The following GABRA2 variants were observed in gnomAD, a reference collection of about 807,000 sequenced individuals.
The protein encoded by GABRA2 is gamma-aminobutyric acid receptor subunit alpha-2.
A neutral mutation model predicts 48.7 loss-of-function variants in GABRA2; 16 were observed. That is an observed-to-expected ratio of 0.33 (90% CI 0.22 to 0.50). The LOEUF (loss-of-function observed/expected upper bound fraction) is 0.50. GABRA2 is among the 20% of genes least tolerant of loss of function. The pLI, the probability that GABRA2 is intolerant of heterozygous loss-of-function variation, is 0.98. For missense variants in GABRA2, 275 were observed against 535.6 expected (o/e 0.51, Z 4.80); for synonymous variants, 185 against 184.5 (o/e 1.00, Z -0.02).
rs191345587 is a variant in GABRA2 at position 46,245,836 on chromosome 4, A to C, written c.*4472T>G. ...ACTATTGGCAATATTAGGTAATGTT[A>C]TGTATTAAATACATCATTGAGTAGT... is the stretch of plus-strand genomic sequence containing the variant. On this transcript the variant is annotated 3_prime_UTR_variant, in exon 10 of 10. Coordinates refer to ENST00000381620, the MANE Select transcript of GABRA2 (RefSeq NM_000807.4). 8.3e-3 allele frequency among the ~76,000 whole-genome samples: 1,260 copies of C among 151,330 alleles called. 9 individuals carry two copies. The highest frequency in any genetic ancestry group is 0.013 in the Non-Finnish European group (871 of 67,398).
chr4:46,278,440 T>C (rs532224377), intron 8 of GABRA2, among the ~76,000 whole-genome samples: 71 of 152,088 alleles, frequency 4.7e-4, no homozygotes, highest in Admixed American at 8.5e-4. Context: ...GACATAAGCT[T>C]CCTTCATTCC....
intron 3 of GABRA2, among the ~76,000 whole-genome samples, chr4:46,338,236 C>T (rs761729233): frequency 1.3e-5 from 2 of 151,796 alleles, no homozygotes; most frequent in Non-Finnish European, 2.9e-5. Context: ...GACCATTTAT[C>T]GTCTGATCTA....
intron 6 of GABRA2, among the ~76,000 whole-genome samples, chr4:46,306,939 T>A (rs752369624): frequency 6.6e-6 from 1 of 152,152 alleles, no homozygotes; most frequent in Non-Finnish European, 1.5e-5. Context: ...CCTGGCATTG[T>A]CTAACGGCAA....
intron 3 of GABRA2, chr4:46,367,047 G>A (rs930350616): frequency 6.6e-6 from 1 of 151,946 alleles, no homozygotes; most frequent in African/African-American, 2.4e-5. Context: ...AACAGCAGGG[G>A]CTACTGAATT....
chr4:46,369,937 C>T (rs1471273321), intron 3 of GABRA2, among the ~76,000 whole-genome samples: 1 of 151,946 alleles, frequency 6.6e-6, no homozygotes, highest in African/African-American at 2.4e-5. Context: ...CCAATAGAAG[C>T]AATAGTCTAC....
chr4:46,322,924 C>T (rs538793739), intron 4 of GABRA2, among the ~76,000 whole-genome samples: 8 of 151,884 alleles, frequency 5.3e-5, no homozygotes, highest in Non-Finnish European at 1.0e-4. Flanking sequence ...TGTGTTTGCA[C>T]GCGTGCATCT....
At position 46,372,125 on chromosome 4, in the gene GABRA2, G is replaced by A. The variant is rs557770872; in HGVS notation, c.187+13949C>T. On this transcript the variant is annotated intron_variant, in intron 3 of 9. Coordinates refer to ENST00000381620, the MANE Select transcript of GABRA2 (RefSeq NM_000807.4). ...GTAAGAAATGGAGGCACTGAAAGAA[G>A]AAGTAACTTTTCTATTAGAGAGTTA... 2.6e-5 allele frequency among the ~76,000 whole-genome samples: 4 copies of A among 152,306 alleles called. No homozygotes were observed. In the East Asian group the frequency reaches 5.8e-4, roughly 22 times the overall value.
chr4:46,382,689 A>G (rs1716924712), intron 3 of GABRA2, among the ~76,000 whole-genome samples: 1 of 152,162 alleles, frequency 6.6e-6, no homozygotes, highest in Non-Finnish European at 1.5e-5. Flanking sequence ...ATGAATCACA[A>G]TGGACTCTCC....
chr4:46,319,510 G>T lies in GABRA2; in HGVS notation c.256-6794C>A, dbSNP rs572915345. Among the ~76,000 whole-genome samples, 33 of 151,908 alleles carry T rather than the reference G, an allele frequency of 2.2e-4. No individual in the cohort carries two copies. In the Middle Eastern group the frequency reaches 0.014, roughly 63 times the overall value. ...GAATAATGAAGCTCGAATACTTTCA[G>T]TTGGTACTCAAACGGGGCTAGATAA... On this transcript the variant is annotated intron_variant, in intron 4 of 9. Transcript: ENST00000381620.
chr4:46,377,394 C>A (rs1715930729), intron 3 of GABRA2, among the ~76,000 whole-genome samples: 1 of 151,512 alleles, frequency 6.6e-6, no homozygotes, highest in Non-Finnish European at 1.5e-5. Flanking sequence ...GCCGCCCCGT[C>A]CGGGATGTGA....
intron 9 of GABRA2, among the ~76,000 whole-genome samples, chr4:46,256,977 T>C (rs1417709734): frequency 6.6e-6 from 1 of 151,656 alleles, no homozygotes; most frequent in East Asian, 1.9e-4. Context: ...CTGACTCAGA[T>C]TTAGAATTGA....
chr4:46,378,772 G>T (rs377747453), intron 3 of GABRA2, among the ~76,000 whole-genome samples: 1 of 151,968 alleles, frequency 6.6e-6, no homozygotes, highest in South Asian at 2.1e-4. Context: ...GGCCACAGTG[G>T]GCTGAGATTG....
intron 4 of GABRA2, among the ~76,000 whole-genome samples, chr4:46,323,647 C>A (rs1729833843): frequency 6.6e-6 from 1 of 151,038 alleles, no homozygotes; most frequent in African/African-American, 2.4e-5. Context: ...TGTACAGACA[C>A]AAGTTATGCC....
intron 8 of GABRA2, among the ~76,000 whole-genome samples, chr4:46,301,714 T>C (rs1407164591): frequency 6.6e-6 from 1 of 152,220 alleles, no homozygotes; most frequent in Non-Finnish European, 1.5e-5. Context: ...TGTTGTTTTC[T>C]ATAACTTGTC....
chr4:46,280,901 T>A (rs969182697), intron 8 of GABRA2, among the ~76,000 whole-genome samples: 3 of 152,096 alleles, frequency 2.0e-5, no homozygotes, highest in Non-Finnish European at 4.4e-5. Context: ...GGAAAGGCCA[T>A]ATGAGAACAT....
intron 3 of GABRA2, among the ~76,000 whole-genome samples, chr4:46,375,602 A>G (rs1715577955): frequency 6.6e-6 from 1 of 152,140 alleles, no homozygotes; most frequent in South Asian, 2.1e-4. Flanking sequence ...TGAGCCTTAC[A>G]CTCTTCTGTA....
At chr4:46,379,182 A>G (rs1716410620) in intron 3 of GABRA2, among the ~76,000 whole-genome samples, 1 of 152,208 alleles carries the variant, frequency 6.6e-6, no homozygotes, top group South Asian at 2.1e-4. Context: ...AAGCGTCACA[A>G]AAAGCTGTAC....
chr4:46,297,870 A>G (rs77646837), intron 8 of GABRA2, among the ~76,000 whole-genome samples: 292 of 152,076 alleles, frequency 1.9e-3, no homozygotes, highest in African/African-American at 6.6e-3. Flanking sequence ...AGGCATTTAT[A>G]GCTACAAATT....
intron 8 of GABRA2, among the ~76,000 whole-genome samples, chr4:46,286,339 C>G (rs1438638610): frequency 6.6e-6 from 1 of 152,002 alleles, no homozygotes; most frequent in African/African-American, 2.4e-5. Context: ...ATATTTTGTA[C>G]ATTCGTTTGT....
Sources: allele counts gnomAD v4.1 joint callset (sites outside exome capture counted in the v4.1 genomes callset), GRCh38; gene constraint gnomAD v4.1.1; transcripts MANE v1.5; gene names NCBI Gene and HGNC (gene_info 2026-07-23, HGNC 2026-07-21).